The following EMC3 variants were observed in gnomAD, a reference collection of about 807,000 sequenced individuals.
The protein encoded by EMC3 is 30 kDa protein.
In EMC3, 13 loss-of-function variants were observed where a neutral mutation model predicts 36.6. The observed-to-expected ratio is 0.35, with a 90% CI of 0.23 to 0.56. The LOEUF is 0.56. EMC3 is among the 20% of genes least tolerant of loss of function. The pLI is 0.84. For missense variants in EMC3, 220 were observed against 324.5 expected (o/e 0.68, Z 2.47); for synonymous variants, 120 against 111.9 (o/e 1.07, Z -0.46).
intron 7 of EMC3, among the ~76,000 whole-genome samples, chr3:9,964,995 C>T (rs1470966241): frequency 6.6e-6 from 1 of 151,826 alleles, no homozygotes; most frequent in Non-Finnish European, 1.5e-5. Context: ...CCCAGCTACT[C>T]TGGAGGCTGA....
chr3:9,969,215 C>A, intron 7 of EMC3: 1 of 490,562 alleles, frequency 2.0e-6, no homozygotes, highest in Non-Finnish European at 2.8e-6. Flanking sequence ...CCACCTTGGC[C>A]TCCCAAAGTG....
At chr3:10,004,944 G>A (rs1360046513) in intron 1 of EMC3, 1 of 152,304 alleles carries the variant, frequency 6.6e-6, no homozygotes, top group African/African-American at 2.4e-5. Context: ...AGTCAGTATA[G>A]TTGGGAGGCA....
intron 1 of EMC3, among the ~76,000 whole-genome samples, chr3:9,996,670 G>A (rs1382292131): frequency 6.6e-6 from 1 of 151,940 alleles, no homozygotes; most frequent in African/African-American, 2.4e-5. Flanking sequence ...ATATACATGT[G>A]TCAAAATTCA....
chr3:9,995,937 T>G (rs916924192), intron 1 of EMC3, among the ~76,000 whole-genome samples: 1 of 152,194 alleles, frequency 6.6e-6, no homozygotes, highest in Non-Finnish European at 1.5e-5. Context: ...GAGCATTTTT[T>G]TATTCTTACC....
chr3:9,996,929 T>C (rs2086133412), intron 1 of EMC3, among the ~76,000 whole-genome samples: 2 of 152,216 alleles, frequency 1.3e-5, no homozygotes, highest in African/African-American at 4.8e-5. Context: ...ATTTTTAATT[T>C]TGATATAACG....
chr3:9,993,450 T>G (rs2086080505), intron 1 of EMC3, among the ~76,000 whole-genome samples: 1 of 152,202 alleles, frequency 6.6e-6, no homozygotes, highest in African/African-American at 2.4e-5. Flanking sequence ...AGTTTGGGGT[T>G]TGGGTTAGGA....
chr3:9,977,157 C>A (rs1656966889), intron 2 of EMC3, 107 bp from the exon 3 acceptor site: 1 of 934,734 alleles, frequency 1.1e-6, no homozygotes. Flanking sequence ...TATGCTGTTC[C>A]GCTCAGAGCT....
chr3:9,986,909 G>C, upstream of EMC3: 1 of 1,296,520 alleles, frequency 7.7e-7, no homozygotes, highest in Non-Finnish European at 9.9e-7. Flanking sequence ...GGGCCTGGCG[G>C]GAAAGTGGAA....
upstream of EMC3, chr3:9,987,368 G>C (rs1364382261): frequency 1.1e-6 from 1 of 927,138 alleles, no homozygotes; most frequent in Non-Finnish European, 1.3e-6. Context: ...GGGGCTCCGC[G>C]CCCCAAGCCT....
At chr3:9,969,486 T>A in intron 7 of EMC3, 1 of 1,413,066 alleles carries the variant, frequency 7.1e-7, no homozygotes, top group Non-Finnish European at 9.2e-7. Flanking sequence ...TCATTGATAG[T>A]GTGGATTAAA....
At chr3:9,990,092 T>G (rs2086029618), upstream of EMC3, among the ~76,000 whole-genome samples, 1 of 151,412 alleles carries the variant, frequency 6.6e-6, no homozygotes, top group Non-Finnish European at 1.5e-5. Flanking sequence ...TGGCGCAATC[T>G]CAGCTCACTG....
At chr3:9,977,478 A>T (rs765354332) in intron 1 of EMC3, 32 bp from the exon 2 acceptor site, 6 of 1,598,394 alleles carry the variant, frequency 3.8e-6, no homozygotes, top group Non-Finnish European at 5.1e-6. Context: ...ATGAGATTTT[A>T]AAAAGTGAAA....
chr3:9,974,317 A>G, intron 4 of EMC3, 67 bp downstream of exon 4: 1 of 1,039,654 alleles, frequency 9.6e-7, no homozygotes, highest in Non-Finnish European at 1.5e-6. Flanking sequence ...AGGACCTGTG[A>G]TATTAGTGTC....
chr3:10,000,730 C>A, intron 1 of EMC3: 1 of 477,038 alleles, frequency 2.1e-6, no homozygotes, highest in Non-Finnish European at 4.2e-6. Context: ...TTCTTCCATA[C>A]CCTTGGGATT....
intron 1 of EMC3, among the ~76,000 whole-genome samples, chr3:10,005,621 C>T (rs759050663): frequency 2.0e-5 from 3 of 152,138 alleles, no homozygotes; most frequent in Non-Finnish European, 2.9e-5. Context: ...TAATGCTGAA[C>T]GCCAGGAAGT....
chr3:9,964,481 C>A (rs762868903), intron 7 of EMC3, among the ~76,000 whole-genome samples: 2 of 152,240 alleles, frequency 1.3e-5, no homozygotes, highest in Admixed American at 6.5e-5. Flanking sequence ...AAATTGTGGT[C>A]TGACTGCAAA....
At chr3:9,966,225 GT>G (rs1264198471) in intron 7 of EMC3, among the ~76,000 whole-genome samples, 135 of 138,898 alleles carry the variant, frequency 9.7e-4, no homozygotes, top group Middle Eastern at 3.7e-3. Flanking sequence ...AGTGGTATCT[GT>G]TTTTTTTTTT....
chr3:9,992,612 A>G (rs1049277371), intron 1 of EMC3, among the ~76,000 whole-genome samples: 1 of 152,238 alleles, frequency 6.6e-6, no homozygotes, highest in Non-Finnish European at 1.5e-5. Flanking sequence ...AAATGTGAAG[A>G]TGTTCAAAGT....
upstream of EMC3, chr3:9,986,944 G>A: frequency 1.2e-5 from 14 of 1,207,166 alleles, no homozygotes; most frequent in Non-Finnish European, 1.5e-5. Flanking sequence ...GCCCAGGCTC[G>A]GTGGCTCACT....
Sources: gnomAD v4.1 joint callset for allele counts (sites outside exome capture counted in the v4.1 genomes callset) on GRCh38, gnomAD v4.1.1 for gene constraint, MANE v1.5 for transcripts, NCBI Gene and HGNC (gene_info 2026-07-23, HGNC 2026-07-21) for gene names.